MBNL2: variants seen among roughly 807,000 people sequenced by gnomAD.
MBNL2 encodes the protein muscleblind like splicing regulator 2.
In MBNL2, 17 loss-of-function variants were observed where a neutral mutation model predicts 41.9. The observed-to-expected ratio is 0.41, with a 90% CI of 0.28 to 0.61. The LOEUF (loss-of-function observed/expected upper bound fraction) is 0.61, where lower values mean the gene tolerates loss of function less well. MBNL2 is among the 20% of genes least tolerant of loss of function. The probability of loss-of-function intolerance (pLI) is 0.35; values close to 1 mark genes in which losing one functional copy is unlikely to be tolerated. For missense variants in MBNL2, 336 were observed against 505.6 expected, an observed-to-expected ratio of 0.66 and a Z score of 3.22; for synonymous variants, 195 against 182.9, an observed-to-expected ratio of 1.07 and a Z score of -0.53.
intron 1 of MBNL2, among the ~76,000 whole-genome samples, chr13:97,250,348 C>T (rs921452363): frequency 6.6e-6 from 1 of 152,114 alleles, no homozygotes; most frequent in East Asian, 1.9e-4. Context: ...TGTTGGTTTC[C>T]TCTCATTCCT....
chr13:97,236,005 C>A lies in MBNL2; in HGVS notation c.-605+13474C>A, dbSNP rs560855364. 5.3e-5 allele frequency among the ~76,000 whole-genome samples: 8 copies of A among 152,218 alleles called. No homozygotes were observed. In the East Asian group the frequency reaches 1.5e-3, roughly 29 times the overall value. ...GTGATGGGCGTTGGAGCTGACCTGC[C>A]CTGGCGGAGGCTGGGGAGGGTGGAG... On this transcript the variant is annotated intron_variant, in intron 1 of 8. Transcript: ENST00000679496.
At chr13:97,297,549 TG>T (rs1456961880) in intron 2 of MBNL2, among the ~76,000 whole-genome samples, 1 of 152,132 alleles carries the variant, frequency 6.6e-6, no homozygotes, top group Non-Finnish European at 1.5e-5. Flanking sequence ...TCTAACTCCA[TG>T]AAGCTGCCTA....
At chr13:97,258,583 G>A (rs374924776) in intron 1 of MBNL2, among the ~76,000 whole-genome samples, 2 of 152,318 alleles carry the variant, frequency 1.3e-5, no homozygotes. Flanking sequence ...TCACCTGTGT[G>A]TGAGATCCTG....
chr13:97,293,158 A>G (rs2056452066), intron 2 of MBNL2, among the ~76,000 whole-genome samples: 1 of 151,890 alleles, frequency 6.6e-6, no homozygotes, highest in Admixed American at 6.6e-5. Context: ...TTCTGTTCTC[A>G]TAATTCTTTT....
the MBNL2 span, among the ~76,000 whole-genome samples, chr13:97,194,304 G>T: frequency 6.6e-6 from 1 of 152,108 alleles, no homozygotes; most frequent in Non-Finnish European, 1.5e-5. Context: ...TATCTTCAAT[G>T]CCTACCACTG....
chr13:97,277,317 T>C (rs2052368594), intron 2 of MBNL2, among the ~76,000 whole-genome samples: 2 of 152,188 alleles, frequency 1.3e-5, no homozygotes, highest in African/African-American at 4.8e-5. Flanking sequence ...AATAATATTG[T>C]TTTCAGGAGC....
chr13:97,322,279 C>T (rs2059566607), intron 2 of MBNL2, among the ~76,000 whole-genome samples: 1 of 152,184 alleles, frequency 6.6e-6, no homozygotes, highest in Non-Finnish European at 1.5e-5. Context: ...TCTTCCCAGG[C>T]TGTTTTTTCT....
chr13:97,305,333 T>G (rs986463461), intron 2 of MBNL2, among the ~76,000 whole-genome samples: 1 of 152,196 alleles, frequency 6.6e-6, no homozygotes, highest in Non-Finnish European at 1.5e-5. Flanking sequence ...TACTTGGAAA[T>G]AATAGTGAAA....
chr13:97,218,440 C>CAAAACAAAAAA (rs55815508), upstream of MBNL2, among the ~76,000 whole-genome samples: 2,993 of 117,606 alleles, frequency 0.025, 72 homozygotes, highest in African/African-American at 0.051. Flanking sequence ...CAAAACAAAA[C>CAAAACAAAAAA]AAAAAAAAAA....
intron 1 of MBNL2, among the ~76,000 whole-genome samples, chr13:97,243,097 A>G (rs1041227527): frequency 6.6e-6 from 1 of 152,192 alleles, no homozygotes; most frequent in Non-Finnish European, 1.5e-5. Flanking sequence ...CCACTGCCCA[A>G]GTGACTATCT....
the MBNL2 span, among the ~76,000 whole-genome samples, chr13:97,187,593 TAAAAAAA>T: frequency 8.2e-4 from 42 of 51,492 alleles, no homozygotes; most frequent in East Asian, 1.8e-3. Flanking sequence ...CTATGCAGCT[TAAAAAAA>T]AAAAAAAAAA....
At chr13:97,316,209 C>T (rs2059038430) in intron 2 of MBNL2, among the ~76,000 whole-genome samples, 1 of 152,212 alleles carries the variant, frequency 6.6e-6, no homozygotes, top group Admixed American at 6.5e-5. Context: ...CTGACTGGTC[C>T]CTTTTCCACT....
chr13:97,346,848 C>T lies in MBNL2; in HGVS notation c.585C>T (p.Thr195=), dbSNP rs371199871. The change falls in exon 5 of 9, where the codon ACC becomes ACT. Residue 195 remains threonine, a synonymous_variant. Coordinates refer to ENST00000679496, the MANE Select transcript of MBNL2 (RefSeq NM_001382683.1). This position sits in a 1 kb window ranked among gnomAD's most constrained non-coding sequence, Gnocchi z 4.2. The part of the protein sequence containing the change: ...FQRGNCARGE[T]DCRFAHPADS... ...GAGGAAACTGTGCCCGGGGAGAGAC[C>T]GACTGCCGCTTTGCACACCCCGCAG... 5 of 1,613,870 alleles carry T rather than the reference C, an allele frequency of 3.1e-6. No individual in the cohort carries two copies. Among genetic ancestry groups the T allele is most frequent in the African/African-American group, 2.7e-5 (2 of 74,902 alleles).
intron 1 of MBNL2, among the ~76,000 whole-genome samples, chr13:97,259,186 C>T (rs532576635): frequency 5.3e-5 from 8 of 152,258 alleles, no homozygotes; most frequent in South Asian, 2.1e-4. Context: ...GGTCCAGGAC[C>T]GCAGTATCTC....
chr13:97,346,160 AGATAGAT>A lies in MBNL2; in HGVS notation c.541-636_541-630del, dbSNP rs2061832910. ...ACGGATAGATAGATGGTAGGTAGGT[AGATAGAT>A]GATAGATAATATTAGGTTGGTGCAA... On this transcript the variant is annotated intron_variant, in intron 4 of 8. Transcript: ENST00000679496. The surrounding 1 kb of genome is among the most constrained non-coding windows in gnomAD (Gnocchi z 4.2). Among the ~76,000 whole-genome samples the A allele has an allele frequency of 6.6e-6, 1 of 152,152 alleles. No homozygotes were observed. The highest frequency in any genetic ancestry group is 2.1e-4 in the South Asian group (1 of 4,828).
the MBNL2 span, among the ~76,000 whole-genome samples, chr13:97,207,169 G>C: frequency 6.6e-6 from 1 of 152,190 alleles, no homozygotes; most frequent in African/African-American, 2.4e-5. Context: ...CACACTCTAT[G>C]ATGGGCACTA....
chr13:97,340,877 G>C (rs978235568), intron 3 of MBNL2, among the ~76,000 whole-genome samples: 1 of 152,156 alleles, frequency 6.6e-6, no homozygotes, highest in Non-Finnish European at 1.5e-5. Flanking sequence ...GAATAGATTT[G>C]TCGATATCCA....
intron 2 of MBNL2, among the ~76,000 whole-genome samples, chr13:97,315,993 C>T (rs918823982): frequency 5.9e-5 from 9 of 152,182 alleles, no homozygotes; most frequent in Admixed American, 3.9e-4. Context: ...TTTCATACGC[C>T]AATGACTTCC....
chr13:97,215,887 A>C, the MBNL2 span, among the ~76,000 whole-genome samples: 7 of 152,178 alleles, frequency 4.6e-5, no homozygotes, highest in Non-Finnish European at 1.0e-4. Context: ...TCTAAGCCCT[A>C]AGGGCTATGA....
Sources: allele counts gnomAD v4.1 joint callset (sites outside exome capture counted in the v4.1 genomes callset), GRCh38; gene constraint gnomAD v4.1.1; non-coding constraint Gnocchi (gnomAD v3.1); transcripts MANE v1.5; gene names NCBI Gene and HGNC (gene_info 2026-07-23, HGNC 2026-07-21).